The following PTPN4 variants were observed in gnomAD, a reference collection of about 807,000 sequenced individuals.
The protein encoded by PTPN4 is tyrosine-protein phosphatase non-receptor type 4.
Under a neutral mutation model 135.5 loss-of-function variants are expected in PTPN4, and 49 were observed. The ratio of observed to expected loss-of-function variants is 0.36; its 90% CI spans 0.29 to 0.46. The LOEUF is 0.46. Ranked by LOEUF, PTPN4 falls within the 20% of genes least tolerant of loss-of-function variation. The pLI is 1.00. For missense variants in PTPN4, 860 were observed against 1,101.0 expected, an observed-to-expected ratio of 0.78 and a Z score of 3.10; for synonymous variants, 333 against 369.9, an observed-to-expected ratio of 0.90 and a Z score of 1.14.
intron 26 of PTPN4, among the ~76,000 whole-genome samples, chr2:119,971,045 T>A (rs112136433): frequency 1.3e-5 from 2 of 152,352 alleles, no homozygotes; most frequent in African/African-American, 4.8e-5. Flanking sequence ...TAACTAATTG[T>A]ATTAGTCTGT....
intron 1 of PTPN4, among the ~76,000 whole-genome samples, chr2:119,777,237 C>T (rs558043291): frequency 6.6e-6 from 1 of 152,318 alleles, no homozygotes; most frequent in East Asian, 1.9e-4. Flanking sequence ...ACCTTTCTCC[C>T]AAGTGTTCCA....
intron 2 of PTPN4, among the ~76,000 whole-genome samples, chr2:119,860,616 G>A (rs146549638): frequency 3.9e-5 from 6 of 152,252 alleles, no homozygotes; most frequent in African/African-American, 1.4e-4. Context: ...ATTCTGACTG[G>A]TACCTGGAAG....
Position 119,980,209 on chromosome 2 carries a change from A to G in PTPN4, c.*3139A>G, listed in dbSNP as rs897896990. The G allele has an allele frequency of 6.6e-6, 1 of 152,110 alleles. No homozygotes were observed. Among genetic ancestry groups the G allele is most frequent in the African/African-American group, 2.4e-5 (1 of 41,462 alleles). 9.4% of individuals were successfully genotyped at this position (152,110 alleles called of 1,614,324 possible). ...AAAGGTATGTTAAGACATTAAGACAATTGCTGGAAGGTTTCAAATATGTGT... is the reference window on the plus strand; with the variant it reads ...AAAGGTATGTTAAGACATTAAGACAGTTGCTGGAAGGTTTCAAATATGTGT... On this transcript the variant is annotated 3_prime_UTR_variant, in exon 27 of 27. Transcript: ENST00000263708.
rs776699595 is a variant in PTPN4 at position 119,945,128 on chromosome 2, A to C, written c.1403A>C (p.Lys468Thr). The C allele has an allele frequency of 2.5e-6, 4 of 1,607,726 alleles. No homozygotes were observed. The highest frequency in any genetic ancestry group is 3.4e-6 in the Non-Finnish European group (4 of 1,177,738). Residue 468 changes from lysine (K) to threonine (T), a missense_variant, in exon 16 of 27, where the codon AAA becomes ACA. By Grantham distance (78) the Lys-to-Thr change is moderately conservative (BLOSUM62 -1). This residue lies in a region of PTPN4 where 684 missense variants were observed against 807.0 expected (regional missense o/e 0.85). Coordinates refer to ENST00000263708, the MANE Select transcript of PTPN4 (RefSeq NM_002830.4). Reference sequence around the variant, plus strand: ...GGGAAGCCTCCAGCTTTACCACCCAAACAGTCAAAGAAAAACAGTTGGAAC... The same window carrying C: ...GGGAAGCCTCCAGCTTTACCACCCACACAGTCAAAGAAAAACAGTTGGAAC... ...GDGKPPALPP[K>T]QSKKNSWNQI...
At chr2:119,839,290 A>G (rs1677344624) in intron 2 of PTPN4, among the ~76,000 whole-genome samples, 3 of 152,262 alleles carry the variant, frequency 2.0e-5, no homozygotes, top group South Asian at 4.1e-4. Flanking sequence ...GGTCCTAGCA[A>G]TGTTTCTGAC....
chr2:119,920,130 TG>T lies in PTPN4; in HGVS notation c.891del (p.Leu297PhefsTer6). On this transcript the variant is annotated frameshift_variant, in exon 12 of 27. Transcript: ENST00000263708. LOFTEE classifies it high-confidence loss of function. Reference protein sequence around the residue: ...NMVNYRACKNLWKACVEHHTF... With the variant: ...NMVNYRACKNXWKACVEHHTF... ...GTGAATTACAGAGCATGTAAAAATT[TG>T]TGGAAAGCATGTGTAGAACATCACA... 6.2e-7 allele frequency: 1 copy of T among 1,613,348 alleles called. No individual in the cohort carries two copies. The highest frequency in any genetic ancestry group is 1.1e-5 in the South Asian group (1 of 90,800).
intron 10 of PTPN4, among the ~76,000 whole-genome samples, chr2:119,913,703 G>C (rs1258516757): frequency 6.6e-6 from 1 of 152,034 alleles, no homozygotes; most frequent in Non-Finnish European, 1.5e-5. Context: ...GATGTCAAGT[G>C]AAAAATGCGT....
At position 119,823,751 on chromosome 2, in the gene PTPN4, T is replaced by TA. The variant is rs1359503263; in HGVS notation, c.138+13761dup. On this transcript the variant is annotated intron_variant, in intron 2 of 26. Transcript: ENST00000263708. ...TGAGAGAGAGAGGCTGTATTCCCTT[T>TA]ACTTGAACCTTGGTGAGCCTTTATG... Among the ~76,000 whole-genome samples the TA allele has an allele frequency of 8.5e-5, 13 of 152,342 alleles. No individual in the cohort carries two copies. In the East Asian group the frequency reaches 2.5e-3, roughly 29 times the overall value.
chr2:119,833,992 G>A (rs958128927), intron 2 of PTPN4, among the ~76,000 whole-genome samples: 5 of 152,076 alleles, frequency 3.3e-5, no homozygotes, highest in Admixed American at 2.0e-4. Flanking sequence ...CGAATTGCTC[G>A]GTTATTTTTC....
chr2:119,970,209 G>A lies in PTPN4; in HGVS notation c.2694+2237G>A, dbSNP rs549010602. On this transcript the variant is annotated intron_variant, in intron 26 of 26. Transcript: ENST00000263708. The stretch of plus-strand genomic sequence containing the variant: ...CGAGTAGCTGGGATTACAGGCACCC[G>A]CAACCACGCCCAGCTAATTTTTGTA... 8.4e-4 allele frequency among the ~76,000 whole-genome samples: 127 copies of A among 151,970 alleles called. No individual in the cohort carries two copies. In the Middle Eastern group the frequency reaches 0.01, roughly 12 times the overall value.
At chr2:119,888,254 T>G (rs1372586371) in intron 9 of PTPN4, among the ~76,000 whole-genome samples, 1 of 152,166 alleles carries the variant, frequency 6.6e-6, no homozygotes, top group Non-Finnish European at 1.5e-5. Context: ...GGTGGAGTCT[T>G]TAGGTTTTTT....
intron 10 of PTPN4, among the ~76,000 whole-genome samples, chr2:119,910,759 T>G (rs1678559711): frequency 6.6e-6 from 1 of 152,146 alleles, no homozygotes; most frequent in Non-Finnish European, 1.5e-5. Flanking sequence ...ATAAAGTACC[T>G]TGCTTGCCCT....
At chr2:119,883,490 AAG>A (rs1678110824) in intron 8 of PTPN4, among the ~76,000 whole-genome samples, 1 of 152,128 alleles carries the variant, frequency 6.6e-6, no homozygotes, top group Admixed American at 6.5e-5. Flanking sequence ...ATTTTTTCAA[AAG>A]AGATTTGTTG....
At chr2:119,828,837 G>C (rs576955269) in intron 2 of PTPN4, among the ~76,000 whole-genome samples, 9 of 152,062 alleles carry the variant, frequency 5.9e-5, no homozygotes, top group African/African-American at 1.9e-4. Context: ...TAAGTAGAAG[G>C]CTCTACAATA....
At chr2:119,825,348 TC>T (rs1677131330) in intron 2 of PTPN4, among the ~76,000 whole-genome samples, 1 of 152,214 alleles carries the variant, frequency 6.6e-6, no homozygotes, top group African/African-American at 2.4e-5. Flanking sequence ...CACAGAGTTT[TC>T]ACTTTTCACA....
At chr2:119,836,510 G>A (rs1574360427) in intron 2 of PTPN4, among the ~76,000 whole-genome samples, 1 of 152,236 alleles carries the variant, frequency 6.6e-6, no homozygotes, top group South Asian at 2.1e-4. Flanking sequence ...AGTGGGGGAC[G>A]CGCAGCTGGG....
chr2:119,906,650 T>C (rs371078099), intron 10 of PTPN4, among the ~76,000 whole-genome samples: 226 of 152,318 alleles, frequency 1.5e-3, no homozygotes, highest in African/African-American at 4.8e-3. Context: ...AAATTAGGTG[T>C]AGAAGAAACA....
intron 18 of PTPN4, among the ~76,000 whole-genome samples, chr2:119,948,457 C>T (rs1448855800): frequency 6.6e-6 from 1 of 151,878 alleles, no homozygotes; most frequent in African/African-American, 2.4e-5. Flanking sequence ...AAAAAAAAAG[C>T]AGTTGTATAT....
rs190642683 is a variant in PTPN4 at position 119,929,148 on chromosome 2, G to T, written c.1070+2482G>T. Among the ~76,000 whole-genome samples the T allele has an allele frequency of 1.2e-3, 183 of 152,116 alleles. 1 individual carries two copies. Among genetic ancestry groups the T allele is most frequent in the African/African-American group, 4.3e-3 (177 of 41,536 alleles). On this transcript the variant is annotated intron_variant, in intron 13 of 26. Transcript: ENST00000263708. ...TGTGTGGTTCCTCTGAAATAATAAG[G>T]TATCAGCTACAATGAGGTTGTAATA...
Sources: allele counts gnomAD v4.1 joint callset (sites outside exome capture counted in the v4.1 genomes callset), GRCh38; gene constraint gnomAD v4.1.1; regional missense constraint gnomAD v4.1.1; transcripts MANE v1.5; gene names NCBI Gene and HGNC (gene_info 2026-07-23, HGNC 2026-07-21).